Variants in CCBE1 observed in about 807,000 individuals in gnomAD.
The protein encoded by CCBE1 is collagen and calcium binding EGF domains 1.
A neutral mutation model predicts 50.0 loss-of-function variants in CCBE1; 37 were observed. The observed-to-expected ratio is 0.74, with a 90% confidence interval of 0.57 to 0.97. The LOEUF (loss-of-function observed/expected upper bound fraction) is 0.97, where lower values mean the gene tolerates loss of function less well. CCBE1 is among the 50% of genes least tolerant of loss of function. CCBE1 has a pLI of 0.00. For missense variants in CCBE1, 538 were observed against 523.8 expected (o/e 1.03, Z -0.26); for synonymous variants, 234 against 203.7 (o/e 1.15, Z -1.27).
At chr18:59,510,510 C>T (rs1296351657) in intron 2 of CCBE1, among the ~76,000 whole-genome samples, 1 of 152,156 alleles carries the variant, frequency 6.6e-6, no homozygotes, top group African/African-American at 2.4e-5. Flanking sequence ...CAACCTCTGC[C>T]TCCCAGGTTC....
chr18:59,650,062 G>T (rs926852381), intron 2 of CCBE1, among the ~76,000 whole-genome samples: 7 of 152,056 alleles, frequency 4.6e-5, no homozygotes, highest in African/African-American at 1.7e-4. Flanking sequence ...TCCAAAGTCC[G>T]CTCTCCTTCC....
chr18:59,565,953 T>C (rs1281171511), intron 2 of CCBE1, among the ~76,000 whole-genome samples: 8 of 152,156 alleles, frequency 5.3e-5, no homozygotes, highest in Admixed American at 5.2e-4. Flanking sequence ...CCCAAATGCA[T>C]TGCCAAAGAC....
At chr18:59,621,644 G>A (rs2053711746) in intron 2 of CCBE1, among the ~76,000 whole-genome samples, 1 of 152,194 alleles carries the variant, frequency 6.6e-6, no homozygotes, top group African/African-American at 2.4e-5. Context: ...AAGGCTCAGA[G>A]ATGTCACTAA....
At chr18:59,472,498 A>AT (rs967864954) in intron 3 of CCBE1, among the ~76,000 whole-genome samples, 6 of 152,188 alleles carry the variant, frequency 3.9e-5, no homozygotes, top group African/African-American at 1.4e-4. Flanking sequence ...TCTTATAGAC[A>AT]TTTTTTCAAA....
chr18:59,437,321 A>G (rs777400469), intron 10 of CCBE1, among the ~76,000 whole-genome samples: 26 of 152,052 alleles, frequency 1.7e-4, no homozygotes, highest in African/African-American at 6.0e-4. Flanking sequence ...CAGAGCTTAC[A>G]CCGTAAAGCA....
At chr18:59,583,700 C>CGT (rs878886936) in intron 2 of CCBE1, among the ~76,000 whole-genome samples, 18 of 144,888 alleles carry the variant, frequency 1.2e-4, no homozygotes, top group South Asian at 4.3e-4. Context: ...CGCGCGCGCG[C>CGT]GTGTGTGTGT....
chr18:59,651,904 TATCAAGATACAATAC>T (rs1195694178), intron 2 of CCBE1, among the ~76,000 whole-genome samples: 7 of 152,214 alleles, frequency 4.6e-5, no homozygotes, highest in Non-Finnish European at 1.0e-4. Context: ...GGGTGTCCAT[TATCAAGATACAATAC>T]ATCTTTGTTA....
chr18:59,642,881 G>A (rs534116647), intron 2 of CCBE1, among the ~76,000 whole-genome samples: 3 of 150,084 alleles, frequency 2.0e-5, no homozygotes, highest in Admixed American at 6.7e-5. Flanking sequence ...CCTGGGAGGC[G>A]GAGGTTGCAG....
intron 2 of CCBE1, among the ~76,000 whole-genome samples, chr18:59,688,950 T>C (rs2054693408): frequency 6.6e-6 from 1 of 152,216 alleles, no homozygotes; most frequent in Admixed American, 6.5e-5. Flanking sequence ...TCCTGGTGTT[T>C]GTATTAAAGT....
intron 2 of CCBE1, among the ~76,000 whole-genome samples, chr18:59,530,651 G>A (rs531628824): frequency 3.9e-5 from 6 of 152,260 alleles, no homozygotes; most frequent in Non-Finnish European, 7.4e-5. Flanking sequence ...GCATTCACAT[G>A]TGACTATGTA....
At chr18:59,642,396 C>A (rs767511046) in intron 2 of CCBE1, among the ~76,000 whole-genome samples, 4 of 152,136 alleles carry the variant, frequency 2.6e-5, no homozygotes, top group Non-Finnish European at 5.9e-5. Context: ...TAAACTGACA[C>A]CACCACTGGA....
At chr18:59,492,283 A>G (rs567828612) in intron 2 of CCBE1, among the ~76,000 whole-genome samples, 1 of 152,066 alleles carries the variant, frequency 6.6e-6, no homozygotes, top group South Asian at 2.1e-4. Context: ...TACCTACAAC[A>G]GCTGCGTTTT....
chr18:59,496,762 A>G (rs1179441308), intron 2 of CCBE1, among the ~76,000 whole-genome samples: 1 of 152,236 alleles, frequency 6.6e-6, no homozygotes, highest in African/African-American at 2.4e-5. Context: ...TGTCCAGCTA[A>G]GCAGCCGACC....
intron 2 of CCBE1, among the ~76,000 whole-genome samples, chr18:59,484,758 A>G (rs1462946553): frequency 1.3e-5 from 2 of 152,176 alleles, no homozygotes; most frequent in Admixed American, 1.3e-4. Flanking sequence ...GAGTTGTGAG[A>G]TTCCAGTGCG....
intron 2 of CCBE1, among the ~76,000 whole-genome samples, chr18:59,534,287 A>C (rs886449269): frequency 6.6e-6 from 1 of 152,248 alleles, no homozygotes; most frequent in Non-Finnish European, 1.5e-5. Context: ...TAAAAGTTGA[A>C]AATCAAAGTA....
rs2053370571 is a variant in CCBE1 at position 59,597,555 on chromosome 18, C to CA, written c.212+99073dup. Among the ~76,000 whole-genome samples, 3 of 132,354 alleles carry CA rather than the reference C, an allele frequency of 2.3e-5. No homozygotes were observed. The South Asian group carries it at 7.6e-4, about 33-fold the overall frequency. 86.8% of individuals were successfully genotyped at this position (132,354 alleles called of 152,430 possible). On this transcript the variant is annotated intron_variant, in intron 2 of 10. Coordinates refer to ENST00000439986, the MANE Select transcript of CCBE1 (RefSeq NM_133459.4). The stretch of plus-strand genomic sequence containing the variant: ...GAGGGTGGGAGGAGAAAATTAACTA[C>CA]AAAAAAAGTAGTAGTAGTAGTAGAA...
intron 2 of CCBE1, among the ~76,000 whole-genome samples, chr18:59,535,991 G>A (rs538201191): frequency 6.6e-6 from 1 of 152,316 alleles, no homozygotes; most frequent in East Asian, 1.9e-4. Context: ...CCTGGCTGGT[G>A]TGTAATTCTA....
chr18:59,529,282 A>G (rs1914954360), intron 2 of CCBE1, among the ~76,000 whole-genome samples: 1 of 152,184 alleles, frequency 6.6e-6, no homozygotes, highest in African/African-American at 2.4e-5. Context: ...GCTGTGGGGA[A>G]TTCCTCCCAG....
At chr18:59,461,456 C>G (rs956510272) in intron 5 of CCBE1, among the ~76,000 whole-genome samples, 4 of 145,360 alleles carry the variant, frequency 2.8e-5, no homozygotes, top group African/African-American at 1.1e-4. Flanking sequence ...CTCTACCCTT[C>G]TCTCTACCCT....
Sources: gnomAD v4.1 joint callset for allele counts (sites outside exome capture counted in the v4.1 genomes callset) on GRCh38, gnomAD v4.1.1 for gene constraint, MANE v1.5 for transcripts, NCBI Gene and HGNC (gene_info 2026-07-23, HGNC 2026-07-21) for gene names.